Variants in LTAP1 observed in about 807,000 individuals in gnomAD.
The protein encoded by LTAP1 is HCV NS5A-transactivated protein 4.
the LTAP1 span, chr1:154,212,262 G>A: frequency 3.9e-6 from 6 of 1,541,002 alleles, no homozygotes; most frequent in Non-Finnish European, 2.7e-6. Flanking sequence ...ACTGCACTGT[G>A]GCAACAGTCC....
At chr1:154,207,208 G>A in the LTAP1 span, 1 of 396,768 alleles carries the variant, frequency 2.5e-6, no homozygotes, top group Non-Finnish European at 4.5e-6. Flanking sequence ...ACACCTGAAT[G>A]CAAATCCAGA....
chr1:154,217,377 A>G, the LTAP1 span, among the ~76,000 whole-genome samples: 1 of 152,240 alleles, frequency 6.6e-6, no homozygotes, highest in South Asian at 2.1e-4. Context: ...AAAGTAAAGA[A>G]TATTTTCATC....
the LTAP1 span, chr1:154,219,768 G>A: frequency 8.6e-7 from 1 of 1,160,138 alleles, no homozygotes; most frequent in Admixed American, 2.3e-5. Flanking sequence ...ACTAAAGGCA[G>A]AGGAAATCTC....
the LTAP1 span, chr1:154,213,766 T>G: frequency 1.0e-5 from 7 of 671,696 alleles, no homozygotes; most frequent in Non-Finnish European, 1.5e-5. Context: ...CTTTCAAAAC[T>G]CTAGAATTTC....
At chr1:154,211,193 C>T in the LTAP1 span, among the ~76,000 whole-genome samples, 1,172 of 148,168 alleles carry the variant, frequency 7.9e-3, 12 homozygotes, top group African/African-American at 0.029. Flanking sequence ...TCAGTAAAGA[C>T]GAGGTTTCAC....
the LTAP1 span, chr1:154,219,847 T>A: frequency 6.2e-7 from 1 of 1,606,684 alleles, no homozygotes; most frequent in South Asian, 1.1e-5. Context: ...TTGGGGGCAT[T>A]GTGTCCCACA....
the LTAP1 span, among the ~76,000 whole-genome samples, chr1:154,216,433 C>G: frequency 6.6e-6 from 1 of 152,018 alleles, no homozygotes; most frequent in Admixed American, 6.6e-5. Context: ...CTCCTGAGCT[C>G]AGATGATCCT....
At chr1:154,219,259 A>G in the LTAP1 span, among the ~76,000 whole-genome samples, 4 of 152,214 alleles carry the variant, frequency 2.6e-5, no homozygotes, top group African/African-American at 9.7e-5. Flanking sequence ...GAGTTCTAGG[A>G]TAGAGATAAA....
chr1:154,212,320 G>A, the LTAP1 span: 5 of 1,613,942 alleles, frequency 3.1e-6, no homozygotes, highest in African/African-American at 1.3e-5. Flanking sequence ...CCAAACTCAC[G>A]CAGTGGCCAG....
chr1:154,216,138 T>C, the LTAP1 span, among the ~76,000 whole-genome samples: 1 of 151,430 alleles, frequency 6.6e-6, no homozygotes, highest in Non-Finnish European at 1.5e-5. Flanking sequence ...CGCCCGGCCC[T>C]ACCACTAACT....
the LTAP1 span, chr1:154,207,267 C>T: frequency 3.8e-6 from 2 of 531,430 alleles, no homozygotes; most frequent in Non-Finnish European, 6.6e-6. Context: ...TCTAAAAATG[C>T]TCATAAGGAA....
At chr1:154,215,556 AC>A in the LTAP1 span, among the ~76,000 whole-genome samples, 7 of 148,086 alleles carry the variant, frequency 4.7e-5, no homozygotes, top group Non-Finnish European at 7.4e-5. Flanking sequence ...ACAGAGTGAG[AC>A]GTCTCCAAAA....
chr1:154,219,364 T>C, the LTAP1 span, among the ~76,000 whole-genome samples: 4 of 152,346 alleles, frequency 2.6e-5, no homozygotes, highest in East Asian at 5.8e-4. Context: ...TCACTTCCTA[T>C]ACGTCTTCTG....
the LTAP1 span, among the ~76,000 whole-genome samples, chr1:154,210,007 C>T: frequency 9.2e-5 from 14 of 151,702 alleles, no homozygotes; most frequent in African/African-American, 3.1e-4. Flanking sequence ...ATTACAAGTA[C>T]GAACCACTGC....
chr1:154,214,072 G>GT, the LTAP1 span: 3 of 774,754 alleles, frequency 3.9e-6, no homozygotes, highest in Admixed American at 2.4e-5. Context: ...GAGGTCAGGA[G>GT]TTTGAGACCA....
chr1:154,218,264 T>C, the LTAP1 span, among the ~76,000 whole-genome samples: 1 of 152,248 alleles, frequency 6.6e-6, no homozygotes, highest in Admixed American at 6.5e-5. Context: ...ATGTGCAATC[T>C]TACCAGACAA....
the LTAP1 span, chr1:154,214,344 C>A: frequency 1.4e-6 from 1 of 728,142 alleles, no homozygotes; most frequent in South Asian, 1.7e-5. Context: ...TAACATATAT[C>A]CAATAACAGG....
the LTAP1 span, among the ~76,000 whole-genome samples, chr1:154,217,957 G>A: frequency 2.6e-5 from 4 of 151,926 alleles, no homozygotes; most frequent in African/African-American, 4.8e-5. Flanking sequence ...TTAGAAACAA[G>A]GTCTTGCTCT....
chr1:154,211,326 T>A, the LTAP1 span, among the ~76,000 whole-genome samples: 1 of 67,040 alleles, frequency 1.5e-5, no homozygotes, highest in African/African-American at 8.8e-5. Flanking sequence ...ATTTAATTCT[T>A]TTTTTTTTTT....
Sources: allele counts gnomAD v4.1 joint callset (sites outside exome capture counted in the v4.1 genomes callset), GRCh38; gene constraint gnomAD v4.1.1; transcripts MANE v1.5; gene names NCBI Gene and HGNC (gene_info 2026-07-23, HGNC 2026-07-21).